The following TM4SF20 variants were observed in gnomAD, a reference collection of about 807,000 sequenced individuals.
TM4SF20 encodes transmembrane 4 L6 family member 20.
Under a neutral mutation model 15.1 loss-of-function variants are expected in TM4SF20, and 13 were observed. That is an observed-to-expected ratio of 0.86 (90% confidence interval 0.56 to 1.36). The LOEUF (loss-of-function observed/expected upper bound fraction) is 1.36, where lower values mean the gene tolerates loss of function less well. Among genes scored for constraint, TM4SF20 ranks in the 40% most tolerant of loss-of-function variants. TM4SF20 has a pLI of 0.00. For missense variants in TM4SF20, 282 were observed against 268.4 expected (o/e 1.05, Z -0.35); for synonymous variants, 92 against 96.6 (o/e 0.95, Z 0.28).
At chr2:227,368,870 C>T (rs941048714) in intron 2 of TM4SF20, among the ~76,000 whole-genome samples, 1 of 152,226 alleles carries the variant, frequency 6.6e-6, no homozygotes, top group Non-Finnish European at 1.5e-5. Flanking sequence ...TTCCCTTCCT[C>T]CCAAGATGTT....
chr2:227,363,774 A>G lies in TM4SF20; in HGVS notation c.640T>C (p.Phe214Leu). The G allele has an allele frequency of 3.1e-6, 5 of 1,614,214 alleles. No homozygotes were observed. The highest frequency in any genetic ancestry group is 3.4e-6 in the Non-Finnish European group (4 of 1,180,044). The change falls in exon 4 of 4, where the codon TTC becomes CTC. Residue 214 changes from phenylalanine (F) to leucine (L), a missense_variant. Coordinates refer to ENST00000304568, the MANE Select transcript of TM4SF20 (RefSeq NM_024795.4). ...LFGLSQIVIG[F>L]LGCLCGVSKR... ...GAGACTCCACACAGACAGCCAAGGA[A>G]ACCGATGACTATCTGACTGAGCCCA...
At chr2:227,375,187 A>T (rs1465166979) in intron 1 of TM4SF20, among the ~76,000 whole-genome samples, 2 of 151,984 alleles carry the variant, frequency 1.3e-5, no homozygotes, top group Non-Finnish European at 2.9e-5. Flanking sequence ...TCAGCCTCTC[A>T]AGATGCTGGG....
In TM4SF20 at chr2:227,362,874, C is replaced by T. The variant is rs1049187350; in HGVS notation, c.*850G>A. 5.9e-5 allele frequency: 9 copies of T among 152,332 alleles called. No individual in the cohort carries two copies. Among genetic ancestry groups the T allele is most frequent in the East Asian group, 3.9e-4 (2 of 5,192 alleles). The allele number at this position is 152,332 out of a possible 1,614,324, so 9.4% of individuals were successfully genotyped here. ...AACAATAATCCGATTCTTCTACATA[C>T]TCCTCCCAATTATCTCTGACAAAGT... On this transcript the variant is annotated 3_prime_UTR_variant, in exon 4 of 4. Transcript: ENST00000304568.
chr2:227,372,102 C>G (rs893844674), intron 1 of TM4SF20, among the ~76,000 whole-genome samples: 2 of 152,192 alleles, frequency 1.3e-5, no homozygotes, highest in African/African-American at 4.8e-5. Context: ...TTTGCCATCT[C>G]AGCACAGCTG....
At chr2:227,378,283 A>G (rs1388238048) in intron 1 of TM4SF20, among the ~76,000 whole-genome samples, 4 of 152,186 alleles carry the variant, frequency 2.6e-5, no homozygotes, top group Non-Finnish European at 5.9e-5. Flanking sequence ...GCAGAACCAT[A>G]GCTGAGGTAT....
At chr2:227,380,733 G>A (rs944422175), upstream of TM4SF20, among the ~76,000 whole-genome samples, 1 of 131,540 alleles carries the variant, frequency 7.6e-6, no homozygotes, top group Non-Finnish European at 1.8e-5. Context: ...TTCAGTGAGT[G>A]CTGTTGGGAA....
chr2:227,366,408 T>C (rs574878026), intron 2 of TM4SF20, among the ~76,000 whole-genome samples, 164 bp from the exon 3 acceptor site: 36 of 152,172 alleles, frequency 2.4e-4, no homozygotes, highest in Admixed American at 6.5e-4. Context: ...CAGAGGGCAG[T>C]CTCTGCTATT....
intron 3 of TM4SF20, among the ~76,000 whole-genome samples, chr2:227,365,105 T>C (rs1029296096): frequency 6.6e-6 from 1 of 152,222 alleles, no homozygotes; most frequent in African/African-American, 2.4e-5. Flanking sequence ...GTGATGCAGT[T>C]TCACCATGTT....
At chr2:227,377,047 C>T (rs2076454645) in intron 1 of TM4SF20, among the ~76,000 whole-genome samples, 1 of 152,220 alleles carries the variant, frequency 6.6e-6, no homozygotes, top group Admixed American at 6.5e-5. Flanking sequence ...GCCACACCCG[C>T]CACCATCCTA....
upstream of TM4SF20, among the ~76,000 whole-genome samples, chr2:227,379,937 T>C (rs1169794121): frequency 6.6e-6 from 1 of 152,262 alleles, no homozygotes; most frequent in Non-Finnish European, 1.5e-5. Context: ...CTTGGCCATG[T>C]GCAGTACTTT....
At position 227,370,996 on chromosome 2, in the gene TM4SF20, A is replaced by G. The variant is rs2076418884; in HGVS notation, c.184-16T>C. ...CTGGAATGGCCTGGAAATGACATCA[A>G]CAGGAAAGATGAGTATTATAACTTC... On this transcript the variant is annotated splice_polypyrimidine_tract_variant and intron_variant, in intron 1 of 3. Transcript: ENST00000304568. 1.9e-6 allele frequency: 3 copies of G among 1,609,786 alleles called. No individual in the cohort carries two copies. Among genetic ancestry groups the G allele is most frequent in the Non-Finnish European group, 2.6e-6 (3 of 1,176,222 alleles).
At chr2:227,380,756 G>A (rs185561614), upstream of TM4SF20, among the ~76,000 whole-genome samples, 207 of 152,276 alleles carry the variant, frequency 1.4e-3, no homozygotes, top group Non-Finnish European at 2.2e-3. Context: ...GTGAAATAAT[G>A]TATGCAGCGG....
At chr2:227,377,249 C>T (rs1307739469) in intron 1 of TM4SF20, among the ~76,000 whole-genome samples, 2 of 152,186 alleles carry the variant, frequency 1.3e-5, no homozygotes, top group Non-Finnish European at 2.9e-5. Context: ...ATCGTTAAGT[C>T]ATGCTCAGCC....
intron 2 of TM4SF20, among the ~76,000 whole-genome samples, chr2:227,370,152 C>A (rs919382866): frequency 2.7e-4 from 41 of 152,294 alleles, no homozygotes; most frequent in African/African-American, 9.6e-4. Context: ...AAAAACCTGG[C>A]AGCTCCTTTA....
intron 2 of TM4SF20, among the ~76,000 whole-genome samples, chr2:227,367,072 C>T (rs556444534): frequency 1.3e-5 from 2 of 152,288 alleles, no homozygotes; most frequent in East Asian, 1.9e-4. Flanking sequence ...TTGCACACTT[C>T]GCTGTGGGGC....
intron 2 of TM4SF20, among the ~76,000 whole-genome samples, chr2:227,368,970 A>T (rs192290543): frequency 5.4e-4 from 82 of 152,336 alleles, no homozygotes; most frequent in Non-Finnish European, 8.4e-4. Context: ...GGATACACCT[A>T]TCGGAAAAGC....
upstream of TM4SF20, chr2:227,379,454 T>C: frequency 4.1e-6 from 2 of 489,348 alleles, no homozygotes; most frequent in African/African-American, 1.9e-5. Context: ...AATAATTCCA[T>C]ATTATGATGA....
upstream of TM4SF20, chr2:227,379,402 A>T: frequency 1.5e-6 from 1 of 657,040 alleles, no homozygotes; most frequent in South Asian, 2.5e-5. Context: ...AGAGTCCAAT[A>T]GGGTAGGACA....
Position 227,366,212 on chromosome 2 carries a change from T to G in TM4SF20, c.282A>C (p.Thr94=), listed in dbSNP as rs1365882900. Reference sequence around the variant, plus strand: ...GCATGCAATACAGAGCACCAATGACTGTGATCACACTGAAAAGTGATGAAA... The same window carrying G: ...GCATGCAATACAGAGCACCAATGACGGTGATCACACTGAAAAGTGATGAAA... The part of the protein sequence containing the change: ...MFLSSLFSVI[T]VIGALYCMLI... The change falls in exon 3 of 4, where the codon ACA becomes ACC. Residue 94 remains threonine, a synonymous_variant. Coordinates refer to ENST00000304568, the MANE Select transcript of TM4SF20 (RefSeq NM_024795.4). 6.2e-7 allele frequency: 1 copy of G among 1,612,880 alleles called. No homozygotes were observed. Among genetic ancestry groups the G allele is most frequent in the East Asian group, 2.2e-5 (1 of 44,832 alleles).
Sources: gnomAD v4.1 joint callset for allele counts (sites outside exome capture counted in the v4.1 genomes callset) on GRCh38, gnomAD v4.1.1 for gene constraint, MANE v1.5 for transcripts, NCBI Gene and HGNC (gene_info 2026-07-23, HGNC 2026-07-21) for gene names.